The following SLC7A1 variants were observed in gnomAD, a reference collection of about 807,000 sequenced individuals.
The protein encoded by SLC7A1 is high affinity cationic amino acid transporter 1.
A neutral mutation model predicts 53.9 loss-of-function variants in SLC7A1; 10 were observed. The observed-to-expected ratio is 0.19, with a 90% CI of 0.11 to 0.31. The LOEUF (loss-of-function observed/expected upper bound fraction) is 0.31. Ranked by LOEUF, SLC7A1 falls within the 10% of genes least tolerant of loss-of-function variation. The pLI, the probability that SLC7A1 is intolerant of heterozygous loss-of-function variation, is 1.00. For synonymous variants in SLC7A1, 342 were observed against 338.7 expected, an observed-to-expected ratio of 1.01 and a Z score of -0.11; for missense variants, 525 against 827.2, an observed-to-expected ratio of 0.63 and a Z score of 4.48.
At chr13:29,527,924 T>C (rs900312329) in intron 5 of SLC7A1, among the ~76,000 whole-genome samples, 1 of 152,260 alleles carries the variant, frequency 6.6e-6, no homozygotes, top group African/African-American at 2.4e-5. Context: ...CAGGACTGTG[T>C]GTTTCCCAGA....
intron 1 of SLC7A1, among the ~76,000 whole-genome samples, chr13:29,594,373 A>C (rs1872222270): frequency 6.6e-6 from 1 of 152,224 alleles, no homozygotes; most frequent in Admixed American, 6.5e-5. Context: ...TGACGTGAGT[A>C]TTGGGAAATG....
chr13:29,591,602 G>A lies in SLC7A1; in HGVS notation c.-115+3814C>T, dbSNP rs565364424. Among the ~76,000 whole-genome samples the A allele has an allele frequency of 9.2e-5, 14 of 152,304 alleles. No homozygotes were observed. The South Asian group carries it at 2.9e-3, about 32-fold the overall frequency. ...AGCAGCTGGTTGCCCTCACAGCCAA[G>A]AATCCGATCTGAACAAGTATTCTGA... On this transcript the variant is annotated intron_variant, in intron 1 of 12. Transcript: ENST00000380752.
At chr13:29,533,322 T>A (rs898307848) in intron 3 of SLC7A1, among the ~76,000 whole-genome samples, 1 of 152,176 alleles carries the variant, frequency 6.6e-6, no homozygotes, top group Non-Finnish European at 1.5e-5. Context: ...TGCTACCTAC[T>A]TTGTTTCATT....
rs1250520814 is a variant in SLC7A1 at position 29,512,377 on chromosome 13, C to T, written c.*2103G>A. The T allele has an allele frequency of 1.3e-5, 2 of 152,130 alleles. No individual in the cohort carries two copies. The highest frequency in any genetic ancestry group is 4.8e-5 in the African/African-American group (2 of 41,410). The allele number at this position is 152,130 out of a possible 1,614,324, so 9.4% of individuals were successfully genotyped here. ...TCTCAATCTACAAAATGAGCCATGG[C>T]GCCCATTAAAATGTCAAATGTCAAC... On this transcript the variant is annotated 3_prime_UTR_variant, in exon 13 of 13. Coordinates refer to ENST00000380752, the MANE Select transcript of SLC7A1 (RefSeq NM_003045.5).
intron 1 of SLC7A1, among the ~76,000 whole-genome samples, chr13:29,554,063 C>T (rs929504615): frequency 6.6e-6 from 1 of 152,166 alleles, no homozygotes; most frequent in Non-Finnish European, 1.5e-5. Context: ...AGATGGGGAG[C>T]CAGAATAGAT....
chr13:29,589,529 AG>A (rs1335889159), intron 1 of SLC7A1, among the ~76,000 whole-genome samples: 1 of 152,198 alleles, frequency 6.6e-6, no homozygotes, highest in African/African-American at 2.4e-5. Context: ...CAAGGACCCC[AG>A]GGCTCCAGCT....
intron 12 of SLC7A1, 72 bp downstream of exon 12, chr13:29,516,066 A>T: frequency 1.1e-6 from 1 of 883,660 alleles, no homozygotes; most frequent in Non-Finnish European, 1.8e-6. Flanking sequence ...TCATTCTGTT[A>T]TGAAATCTGA....
chr13:29,536,206 T>C lies in SLC7A1; in HGVS notation c.-14-4A>G. 2 of 1,598,356 alleles carry C rather than the reference T, an allele frequency of 1.3e-6. No homozygotes were observed. Among genetic ancestry groups the C allele is most frequent in the Non-Finnish European group, 8.6e-7 (1 of 1,169,546 alleles). ...CACCCCATGTTGCTGTTCAGAGCTG[T>C]TGAAAAAGAACAAAGATGTTTCCTG... is the stretch of plus-strand genomic sequence containing the variant. On this transcript the variant is annotated splice_region_variant and splice_polypyrimidine_tract_variant and intron_variant, in intron 2 of 12. Coordinates refer to ENST00000380752, the MANE Select transcript of SLC7A1 (RefSeq NM_003045.5).
Position 29,510,125 on chromosome 13 carries a change from C to G in SLC7A1, c.*4355G>C, listed in dbSNP as rs1488308882. The G allele has an allele frequency of 6.6e-6, 1 of 152,606 alleles. No homozygotes were observed. The highest frequency in any genetic ancestry group is 1.5e-5 in the Non-Finnish European group (1 of 68,056). The allele number at this position is 152,606 out of a possible 1,614,324, so 9.5% of individuals were successfully genotyped here. A position where few individuals can be genotyped will look rare whatever the true frequency, so the allele number is the denominator to read the frequency against. ...TCTCTTTAAGCTTGGCCAAGGTACT[C>G]CATCTCCTGTGGGGTTTTCAGCTGG... is the stretch of plus-strand genomic sequence containing the variant. On this transcript the variant is annotated 3_prime_UTR_variant, in exon 13 of 13. Transcript: ENST00000380752.
chr13:29,568,226 C>T (rs543610363), intron 1 of SLC7A1, among the ~76,000 whole-genome samples: 20 of 152,290 alleles, frequency 1.3e-4, no homozygotes, highest in Admixed American at 1.1e-3. Flanking sequence ...CAGTCTACCC[C>T]GTACCTCTTC....
In SLC7A1 at chr13:29,535,790, G is replaced by A. The variant is rs372714343; in HGVS notation, c.370+29C>T. Reference sequence around the variant, plus strand: ...GGGAACAAACAGAAAAGTGGTAGAGGGCACGAGCTCCGGACCCCTGGGACC... The same window carrying A: ...GGGAACAAACAGAAAAGTGGTAGAGAGCACGAGCTCCGGACCCCTGGGACC... On this transcript the variant is annotated intron_variant, in intron 3 of 12. Transcript: ENST00000380752. 5.8e-5 allele frequency: 93 copies of A among 1,594,246 alleles called. 1 individual carries two copies. In the African/African-American group the frequency reaches 7.6e-4, roughly 13 times the overall value.
intron 2 of SLC7A1, among the ~76,000 whole-genome samples, chr13:29,538,641 C>CT (rs1477854641): frequency 3.9e-5 from 6 of 152,224 alleles, no homozygotes; most frequent in Non-Finnish European, 7.3e-5. Flanking sequence ...CTGGAAATGC[C>CT]TTTTTCTTTT....
chr13:29,566,266 C>T (rs529086244), intron 1 of SLC7A1, among the ~76,000 whole-genome samples: 1 of 152,292 alleles, frequency 6.6e-6, no homozygotes, highest in South Asian at 2.1e-4. Flanking sequence ...TACAGCAATT[C>T]CATTAAGGTC....
intron 3 of SLC7A1, among the ~76,000 whole-genome samples, chr13:29,534,662 C>T (rs1461481118): frequency 6.6e-6 from 1 of 152,104 alleles, no homozygotes; most frequent in African/African-American, 2.4e-5. Flanking sequence ...GAGCCCAGGG[C>T]TGCGAGGATC....
chr13:29,545,723 T>C (rs1869890887), intron 2 of SLC7A1, among the ~76,000 whole-genome samples: 1 of 152,006 alleles, frequency 6.6e-6, no homozygotes, highest in Admixed American at 6.6e-5. Context: ...TCACCAGGGT[T>C]TCCCTTCATC....
chr13:29,579,896 C>G (rs1274454855), intron 1 of SLC7A1, among the ~76,000 whole-genome samples: 1 of 152,174 alleles, frequency 6.6e-6, no homozygotes, highest in Non-Finnish European at 1.5e-5. Flanking sequence ...GGCAAAGTAA[C>G]ACTTCTCTAC....
rs1021807580 is a variant in SLC7A1 at position 29,511,539 on chromosome 13, T to G, written c.*2941A>C. On this transcript the variant is annotated 3_prime_UTR_variant, in exon 13 of 13. Coordinates refer to ENST00000380752, the MANE Select transcript of SLC7A1 (RefSeq NM_003045.5). ...GAGTGGGGGGTGTGTAGAGGCCTGG[T>G]CTCCTCCGGACGGTGCCCCTCCCAA... The G allele has an allele frequency of 6.6e-5, 10 of 152,120 alleles. No individual in the cohort carries two copies. The highest frequency in any genetic ancestry group is 9.7e-5 in the African/African-American group (4 of 41,392). The allele number at this position is 152,120 out of a possible 1,614,324, so 9.4% of individuals were successfully genotyped here. A position where few individuals can be genotyped will look rare whatever the true frequency, so the allele number is the denominator to read the frequency against.
chr13:29,532,067 A>T (rs1268026253), intron 4 of SLC7A1, among the ~76,000 whole-genome samples: 2 of 152,236 alleles, frequency 1.3e-5, no homozygotes, highest in Non-Finnish European at 2.9e-5. Context: ...AATACTGCTG[A>T]GACCAGCCTG....
At chr13:29,594,761 C>T (rs1042367246) in intron 1 of SLC7A1, among the ~76,000 whole-genome samples, 2 of 152,188 alleles carry the variant, frequency 1.3e-5, no homozygotes, top group Non-Finnish European at 2.9e-5. Flanking sequence ...CTTGGGGACC[C>T]AGACGAGAGG....
Sources: gnomAD v4.1 joint callset for allele counts (sites outside exome capture counted in the v4.1 genomes callset) on GRCh38, gnomAD v4.1.1 for gene constraint, MANE v1.5 for transcripts, NCBI Gene and HGNC (gene_info 2026-07-23, HGNC 2026-07-21) for gene names.